The following PCGF6 variants were observed in gnomAD, a reference collection of about 807,000 sequenced individuals.
PCGF6 encodes polycomb group RING finger protein 6.
Under a neutral mutation model 45.5 loss-of-function variants are expected in PCGF6, and 24 were observed. The observed-to-expected ratio is 0.53, with a 90% CI of 0.38 to 0.74. PCGF6 has a LOEUF of 0.74. PCGF6 is among the 30% of genes least tolerant of loss of function. PCGF6 has a pLI of 0.00. For synonymous variants in PCGF6, 152 were observed against 162.1 expected, an observed-to-expected ratio of 0.94 and a Z score of 0.47; for missense variants, 356 against 443.2, an observed-to-expected ratio of 0.80 and a Z score of 1.77.
chr10:103,334,334 A>C (rs1051684597), intron 6 of PCGF6, among the ~76,000 whole-genome samples: 8 of 152,140 alleles, frequency 5.3e-5, no homozygotes, highest in Non-Finnish European at 1.5e-5. Flanking sequence ...AAGCAAATCA[A>C]CATATCCATC....
At chr10:103,349,500 A>C (rs1176523007) in intron 1 of PCGF6, among the ~76,000 whole-genome samples, 1 of 14,388 alleles carries the variant, frequency 7.0e-5, no homozygotes, top group Non-Finnish European at 1.7e-4. Flanking sequence ...TTTTTTTTTG[A>C]GAGGGAGTCT....
At chr10:103,308,401 CTT>C (rs769878283) in intron 9 of PCGF6, among the ~76,000 whole-genome samples, 1 of 144,556 alleles carries the variant, frequency 6.9e-6, no homozygotes. Context: ...GATTTTAGAG[CTT>C]TTTTTTTTTT....
intron 6 of PCGF6, among the ~76,000 whole-genome samples, chr10:103,339,199 G>C (rs767639784): frequency 6.6e-6 from 1 of 151,976 alleles, no homozygotes; most frequent in Non-Finnish European, 1.5e-5. Flanking sequence ...TAGATTGCTT[G>C]AGCCAGGAGT....
chr10:103,315,994 GTATA>G (rs376306313), intron 8 of PCGF6, among the ~76,000 whole-genome samples: 4,842 of 131,632 alleles, frequency 0.037, 123 homozygotes, highest in East Asian at 0.11. Flanking sequence ...GTGTGTGTGT[GTATA>G]TATATATATA....
intron 9 of PCGF6, among the ~76,000 whole-genome samples, chr10:103,308,046 G>T (rs2093143915): frequency 6.6e-6 from 1 of 152,150 alleles, no homozygotes; most frequent in Non-Finnish European, 1.5e-5. Flanking sequence ...GACCGGCCTG[G>T]ATGTCTAGGC....
At chr10:103,306,624 T>A (rs1044755403) in intron 9 of PCGF6, among the ~76,000 whole-genome samples, 1 of 152,186 alleles carries the variant, frequency 6.6e-6, no homozygotes, top group African/African-American at 2.4e-5. Flanking sequence ...CTCACTGCAA[T>A]CTGGTTTGTG....
At chr10:103,340,602 T>C (rs951098842) in intron 6 of PCGF6, among the ~76,000 whole-genome samples, 1 of 139,346 alleles carries the variant, frequency 7.2e-6, no homozygotes, top group African/African-American at 2.6e-5. Context: ...CCAAAATAAT[T>C]TTTTTTTTTT....
In PCGF6 at chr10:103,303,277, C is replaced by T. The variant is rs2093125705; in HGVS notation, c.*628G>A. The T allele has an allele frequency of 6.6e-6, 1 of 152,472 alleles. No individual in the cohort carries two copies. The highest frequency in any genetic ancestry group is 6.6e-5 in the Admixed American group (1 of 15,254). The allele number at this position is 152,472 out of a possible 1,614,324, so 9.4% of individuals were successfully genotyped here. A position where few individuals can be genotyped will look rare whatever the true frequency, so the allele number is the denominator to read the frequency against. On this transcript the variant is annotated 3_prime_UTR_variant, in exon 10 of 10. Transcript: ENST00000369847. ...AAGATGTATTGAAGAAGTCTTATTA[C>T]ACTGAAATTTTATGGCACAGATCAT... is the stretch of plus-strand genomic sequence containing the variant.
intron 6 of PCGF6, among the ~76,000 whole-genome samples, chr10:103,337,533 C>T (rs1008108602): frequency 4.6e-5 from 7 of 152,168 alleles, no homozygotes; most frequent in African/African-American, 1.7e-4. Context: ...TCTTCAAAAC[C>T]TATACTCTTT....
At chr10:103,332,424 T>A (rs1417552867) in intron 7 of PCGF6, among the ~76,000 whole-genome samples, 2 of 152,166 alleles carry the variant, frequency 1.3e-5, no homozygotes, top group Non-Finnish European at 2.9e-5. Context: ...GAACTGCCCA[T>A]GCCAACATGC....
At chr10:103,343,711 C>T (rs1287734808) in intron 6 of PCGF6, among the ~76,000 whole-genome samples, 2 of 150,856 alleles carry the variant, frequency 1.3e-5, no homozygotes, top group East Asian at 2.0e-4. Context: ...CATGTGCCTG[C>T]AGTCCCAGCT....
chr10:103,347,119 C>T (rs2093302511), intron 5 of PCGF6, 119 bp downstream of exon 5: 4 of 726,150 alleles, frequency 5.5e-6, no homozygotes, highest in African/African-American at 1.8e-5. Context: ...CACAGCATTA[C>T]CTTCAAAATC....
chr10:103,329,005 G>C (rs541445233), intron 7 of PCGF6, among the ~76,000 whole-genome samples: 5 of 149,808 alleles, frequency 3.3e-5, no homozygotes. Flanking sequence ...TCAGCGTCCC[G>C]AAGTGCTGGG....
At chr10:103,343,347 G>C (rs1220319141) in intron 6 of PCGF6, among the ~76,000 whole-genome samples, 1 of 151,914 alleles carries the variant, frequency 6.6e-6, no homozygotes, top group East Asian at 1.9e-4. Context: ...AGATGACTGA[G>C]AAGTAAAATA....
At chr10:103,342,215 T>G (rs2093283353) in intron 6 of PCGF6, among the ~76,000 whole-genome samples, 1 of 150,556 alleles carries the variant, frequency 6.6e-6, no homozygotes, top group Non-Finnish European at 1.5e-5. Context: ...GGATTAAGAG[T>G]GAGCCACTGC....
intron 9 of PCGF6, among the ~76,000 whole-genome samples, chr10:103,311,567 C>T (rs1478652652): frequency 5.9e-5 from 9 of 151,896 alleles, no homozygotes; most frequent in Non-Finnish European, 1.0e-4. Context: ...CCCTGCCTCC[C>T]GAAGTGCTGG....
rs1592082146 is a variant in PCGF6 at position 103,350,930 on chromosome 10, G to C, written c.137C>G (p.Ala46Gly). ...GGGAGCCCCCGTCTCAGACAGAGGC[G>C]CCGGTCCCTCCTCACCCGCTGCGGG... ...PAPAAGEEGPAPLSETGAPGC... is the reference protein window; with the variant it reads ...PAPAAGEEGPGPLSETGAPGC... The change falls in exon 1 of 10, where the codon GCG becomes GGG. Residue 46 changes from alanine to glycine, a missense_variant. Around this residue, in one of 2 missense-constraint regions of PCGF6, gnomAD observed 307 missense variants for 350.1 expected, o/e 0.88. Transcript: ENST00000369847. The C allele has an allele frequency of 6.6e-7, 1 of 1,512,200 alleles. No homozygotes were observed. Among genetic ancestry groups the C allele is most frequent in the Non-Finnish European group, 8.8e-7 (1 of 1,136,300 alleles). The allele number at this position is 1,512,200 out of a possible 1,614,324, so 93.7% of individuals were successfully genotyped here.
At chr10:103,341,097 C>T (rs2093278951) in intron 6 of PCGF6, among the ~76,000 whole-genome samples, 1 of 151,616 alleles carries the variant, frequency 6.6e-6, no homozygotes, top group Non-Finnish European at 1.5e-5. Flanking sequence ...GGCATGGTGG[C>T]TGGCACCTGT....
chr10:103,351,009 C>T lies in PCGF6; in HGVS notation c.58G>A (p.Ala20Thr), dbSNP rs755427741. The T allele has an allele frequency of 1.0e-4, 146 of 1,427,196 alleles. 1 individual carries two copies. The East Asian group carries it at 3.0e-3, about 29-fold the overall frequency. The allele number at this position is 1,427,196 out of a possible 1,614,324, so 88.4% of individuals were successfully genotyped here. A position where few individuals can be genotyped will look rare whatever the true frequency, so the allele number is the denominator to read the frequency against. ...GGAGGCGGAGGCGGCAAGGCTGCAG[C>T]TCCCTCGGTTTTGGCAGCGCCTACG... Reference protein sequence around the residue: ...GSVGAAKTEGAAALPPPPPVS... With the variant: ...GSVGAAKTEGTAALPPPPPVS... The change falls in exon 1 of 10, where the codon GCT (alanine) becomes ACT (threonine). Residue 20 changes from alanine (A) to threonine (T), a missense_variant. Physicochemically the swap from Ala to Thr is moderately conservative, Grantham distance 58. Coordinates refer to ENST00000369847, the MANE Select transcript of PCGF6 (RefSeq NM_001011663.2).
Sources: allele counts gnomAD v4.1 joint callset (sites outside exome capture counted in the v4.1 genomes callset), GRCh38; gene constraint gnomAD v4.1.1; regional missense constraint gnomAD v4.1.1; transcripts MANE v1.5; gene names NCBI Gene and HGNC (gene_info 2026-07-23, HGNC 2026-07-21).